LHFPL3: variants seen among roughly 807,000 people sequenced by gnomAD.
LHFPL3 encodes LHFPL tetraspan subfamily member 3 protein.
Under a neutral mutation model 19.3 loss-of-function variants are expected in LHFPL3, and 5 were observed. That is an observed-to-expected ratio of 0.26 (90% CI 0.14 to 0.54). LHFPL3 has a LOEUF of 0.54. LHFPL3 is among the 20% of genes least tolerant of loss of function. LHFPL3 has a pLI of 0.94. For synonymous variants in LHFPL3, 133 were observed against 126.2 expected, an observed-to-expected ratio of 1.05 and a Z score of -0.36; for missense variants, 249 against 307.4, an observed-to-expected ratio of 0.81 and a Z score of 1.42.
At chr7:104,749,526 T>TA (rs1258646928) in intron 2 of LHFPL3, among the ~76,000 whole-genome samples, 1 of 152,278 alleles carries the variant, frequency 6.6e-6, no homozygotes, top group East Asian at 1.9e-4. Flanking sequence ...AGAGGGATGG[T>TA]AAAAAAGCAA....
At chr7:104,475,366 T>C (rs1175809110) in intron 1 of LHFPL3, among the ~76,000 whole-genome samples, 2 of 152,282 alleles carry the variant, frequency 1.3e-5, no homozygotes, top group East Asian at 3.9e-4. Flanking sequence ...CAGAATTCCT[T>C]AGCATATTAC....
chr7:104,712,680 G>A (rs1562970936), intron 1 of LHFPL3, among the ~76,000 whole-genome samples: 1 of 152,166 alleles, frequency 6.6e-6, no homozygotes, highest in South Asian at 2.1e-4. Context: ...TTTCAGAACA[G>A]AATGCAATCT....
intron 1 of LHFPL3, among the ~76,000 whole-genome samples, chr7:104,559,168 T>C (rs1189543533): frequency 8.6e-5 from 12 of 139,714 alleles, no homozygotes; most frequent in African/African-American, 3.1e-4. Flanking sequence ...TGCGGGCTCT[T>C]TTTTGGTTCC....
chr7:104,556,337 T>G (rs111298042), intron 1 of LHFPL3, among the ~76,000 whole-genome samples: 10,356 of 152,256 alleles, frequency 0.068, 561 homozygotes, highest in African/African-American at 0.15. Flanking sequence ...TCCAGGTGTT[T>G]CCATATATCC....
At chr7:104,897,689 A>T (rs1792393636) in intron 2 of LHFPL3, among the ~76,000 whole-genome samples, 1 of 152,260 alleles carries the variant, frequency 6.6e-6, no homozygotes, top group African/African-American at 2.4e-5. Flanking sequence ...AATTGTTAGT[A>T]ATCTACTTAT....
At chr7:104,484,241 G>C (rs1411348618) in intron 1 of LHFPL3, among the ~76,000 whole-genome samples, 2 of 152,154 alleles carry the variant, frequency 1.3e-5, no homozygotes, top group African/African-American at 4.8e-5. Flanking sequence ...GGCTCCAAAA[G>C]ATTAAGGGAA....
intron 2 of LHFPL3, among the ~76,000 whole-genome samples, chr7:104,905,051 G>T (rs1490689967): frequency 1.3e-5 from 2 of 152,066 alleles, no homozygotes; most frequent in East Asian, 3.9e-4. Context: ...GACCTCCTGG[G>T]CTCAAGCGAT....
intron 1 of LHFPL3, among the ~76,000 whole-genome samples, chr7:104,578,586 C>T (rs1018469162): frequency 1.3e-5 from 2 of 152,056 alleles, no homozygotes; most frequent in African/African-American, 4.8e-5. Context: ...ATATTGGGAT[C>T]TCCTGTGTTG....
chr7:104,430,396 A>ACATG (rs1562895087), intron 1 of LHFPL3, among the ~76,000 whole-genome samples: 10 of 42,596 alleles, frequency 2.3e-4, no homozygotes, highest in African/African-American at 1.4e-3. Flanking sequence ...ATATATATAT[A>ACATG]TATATATACA....
intron 2 of LHFPL3, among the ~76,000 whole-genome samples, chr7:104,774,960 T>C (rs778041155): frequency 5.9e-4 from 90 of 152,218 alleles, no homozygotes; most frequent in Non-Finnish European, 1.2e-3. Context: ...ACACTGGTGT[T>C]ACAGTTACAG....
chr7:104,692,724 G>C (rs140737785), intron 1 of LHFPL3, among the ~76,000 whole-genome samples: 33 of 152,366 alleles, frequency 2.2e-4, no homozygotes, highest in African/African-American at 7.7e-4. Context: ...CTAGATTTCA[G>C]AGGATGTATG....
chr7:104,649,107 G>C (rs1420165662), intron 1 of LHFPL3, among the ~76,000 whole-genome samples: 5 of 152,172 alleles, frequency 3.3e-5, no homozygotes, highest in Non-Finnish European at 5.9e-5. Context: ...AGTTGAGAGA[G>C]GGTTTGACTG....
chr7:104,740,913 C>T (rs575228639), intron 2 of LHFPL3, among the ~76,000 whole-genome samples: 8 of 152,184 alleles, frequency 5.3e-5, no homozygotes, highest in African/African-American at 1.9e-4. Context: ...TCCCAACATT[C>T]CACCTAATGG....
chr7:104,532,288 TTTTTTTTC>T (rs1227560820), intron 1 of LHFPL3, among the ~76,000 whole-genome samples: 9 of 149,016 alleles, frequency 6.0e-5, no homozygotes, highest in African/African-American at 2.0e-4. Flanking sequence ...GGCTAATGTT[TTTTTTTTC>T]TTTTTTTCTT....
At chr7:104,585,624 T>C (rs1412711704) in intron 1 of LHFPL3, among the ~76,000 whole-genome samples, 2 of 152,048 alleles carry the variant, frequency 1.3e-5, no homozygotes, top group Non-Finnish European at 2.9e-5. Flanking sequence ...TAACTTTCAC[T>C]GCCTCCAAGT....
intron 1 of LHFPL3, among the ~76,000 whole-genome samples, chr7:104,581,849 A>G (rs1790467614): frequency 1.3e-5 from 2 of 152,106 alleles, no homozygotes; most frequent in African/African-American, 4.8e-5. Context: ...CAGTTTGTCT[A>G]TTCTTACGCC....
chr7:104,562,477 G>T (rs1790027516), intron 1 of LHFPL3, among the ~76,000 whole-genome samples: 1 of 152,052 alleles, frequency 6.6e-6, no homozygotes, highest in Non-Finnish European at 1.5e-5. Flanking sequence ...GATCGCATCG[G>T]CTCCTGAGGC....
chr7:104,723,603 T>C (rs962849396), intron 1 of LHFPL3, among the ~76,000 whole-genome samples: 8 of 151,210 alleles, frequency 5.3e-5, no homozygotes, highest in Non-Finnish European at 1.0e-4. Context: ...GCACCTATAA[T>C]CCCAGCTACT....
At chr7:104,849,941 A>C (rs1258826044) in intron 2 of LHFPL3, among the ~76,000 whole-genome samples, 1 of 152,254 alleles carries the variant, frequency 6.6e-6, no homozygotes, top group Non-Finnish European at 1.5e-5. Context: ...CTTTGGAAAA[A>C]AAGGGTTCTG....
Sources: gnomAD v4.1 joint callset for allele counts (sites outside exome capture counted in the v4.1 genomes callset) on GRCh38, gnomAD v4.1.1 for gene constraint, MANE v1.5 for transcripts, NCBI Gene and HGNC (gene_info 2026-07-23, HGNC 2026-07-21) for gene names.